Variants in PCCA observed in about 807,000 individuals in gnomAD.
The protein encoded by PCCA is propionyl-CoA carboxylase alpha chain, mitochondrial.
A neutral mutation model predicts 101.3 loss-of-function variants in PCCA; 74 were observed. The ratio of observed to expected loss-of-function variants is 0.73; its 90% CI spans 0.61 to 0.89. The LOEUF (loss-of-function observed/expected upper bound fraction) is 0.89, where lower values mean the gene tolerates loss of function less well. PCCA is among the 40% of genes least tolerant of loss of function. The probability of loss-of-function intolerance (pLI) is 0.00; values close to 1 mark genes in which losing one functional copy is unlikely to be tolerated. For missense variants in PCCA, 891 were observed against 907.0 expected (o/e 0.98, Z 0.23); for synonymous variants, 294 against 313.6 (o/e 0.94, Z 0.66).
At chr13:100,377,853 T>TA (rs1595668397) in intron 19 of PCCA, among the ~76,000 whole-genome samples, 6 of 152,148 alleles carry the variant, frequency 3.9e-5, no homozygotes, top group Admixed American at 3.9e-4. Flanking sequence ...TTATTATTGA[T>TA]ATATGAGGTT....
At chr13:100,460,452 C>G (rs911422198) in intron 21 of PCCA, among the ~76,000 whole-genome samples, 4 of 152,078 alleles carry the variant, frequency 2.6e-5, no homozygotes, top group African/African-American at 9.7e-5. Flanking sequence ...CTCCATTGAA[C>G]AGCTTCTTCA....
intron 12 of PCCA, among the ~76,000 whole-genome samples, 160 bp from the exon 13 acceptor site, chr13:100,301,300 T>G (rs2066038019): frequency 6.6e-6 from 1 of 152,254 alleles, no homozygotes; most frequent in Non-Finnish European, 1.5e-5. Flanking sequence ...GTTTATTCTT[T>G]CATTTTATTC....
chr13:100,310,632 C>G (rs1391111947), intron 16 of PCCA, among the ~76,000 whole-genome samples: 1 of 152,162 alleles, frequency 6.6e-6, no homozygotes, highest in Non-Finnish European at 1.5e-5. Context: ...GAAAGGAGTA[C>G]TCTTTTGTAT....
chr13:100,412,618 A>C (rs2078122922), intron 19 of PCCA, among the ~76,000 whole-genome samples: 1 of 152,164 alleles, frequency 6.6e-6, no homozygotes, highest in Non-Finnish European at 1.5e-5. Context: ...TGCCCTGTAT[A>C]CTCTGTACAA....
At chr13:100,396,962 C>T (rs1595739747) in intron 19 of PCCA, among the ~76,000 whole-genome samples, 4 of 152,200 alleles carry the variant, frequency 2.6e-5, no homozygotes, top group South Asian at 4.2e-4. Flanking sequence ...CTTTCTTCCA[C>T]GATAGGGCGC....
chr13:100,187,580 C>CA (rs1360719239), intron 6 of PCCA, among the ~76,000 whole-genome samples: 1 of 152,116 alleles, frequency 6.6e-6, no homozygotes, highest in East Asian at 1.9e-4. Flanking sequence ...GAGTTAGAGT[C>CA]AAACAGTGTT....
At chr13:100,117,633 G>T (rs1229757198) in intron 4 of PCCA, among the ~76,000 whole-genome samples, 2 of 151,970 alleles carry the variant, frequency 1.3e-5, no homozygotes, top group African/African-American at 4.8e-5. Context: ...TGGGGTTGGG[G>T]GATGGGGGAG....
chr13:100,244,535 C>G (rs977889461), intron 8 of PCCA, among the ~76,000 whole-genome samples: 1 of 151,246 alleles, frequency 6.6e-6, no homozygotes, highest in Admixed American at 6.6e-5. Flanking sequence ...TTTCCTTTTT[C>G]TATTACTCTG....
At chr13:100,264,196 C>CGTATATATACGGTATCTGTATATCGT (rs71114680) in intron 10 of PCCA, among the ~76,000 whole-genome samples, 1 of 51,072 alleles carries the variant, frequency 2.0e-5, no homozygotes, top group Admixed American at 2.1e-4. Context: ...ATCTGTATAT[C>CGTATATATACGGTATCTGTATATCGT]ATATATGTGA....
intron 7 of PCCA, among the ~76,000 whole-genome samples, chr13:100,232,120 CA>C (rs2060509503): frequency 6.6e-6 from 1 of 152,110 alleles, no homozygotes; most frequent in Non-Finnish European, 1.5e-5. Flanking sequence ...GACTGTGTAC[CA>C]AATCCCATAA....
chr13:100,202,245 G>C (rs1037493698), intron 6 of PCCA, among the ~76,000 whole-genome samples: 1 of 151,740 alleles, frequency 6.6e-6, no homozygotes, highest in South Asian at 2.1e-4. Context: ...AAGATGGGAG[G>C]ATCACTTGAG....
chr13:100,431,526 C>T (rs374771051), intron 20 of PCCA, among the ~76,000 whole-genome samples: 1 of 152,306 alleles, frequency 6.6e-6, no homozygotes, highest in South Asian at 2.1e-4. Context: ...TTCTTTTAAA[C>T]CTTTTTAAAT....
intron 12 of PCCA, among the ~76,000 whole-genome samples, chr13:100,294,579 A>T (rs1240021443): frequency 6.6e-6 from 1 of 152,194 alleles, no homozygotes; most frequent in Non-Finnish European, 1.5e-5. Flanking sequence ...TATTCTAAAC[A>T]TTCTGATTTC....
At chr13:100,392,627 A>AC (rs2076854506) in intron 19 of PCCA, among the ~76,000 whole-genome samples, 1 of 152,176 alleles carries the variant, frequency 6.6e-6, no homozygotes, top group African/African-American at 2.4e-5. Context: ...ATTTCCTGTG[A>AC]CCTGAAAACT....
chr13:100,405,903 A>C (rs2077647071), intron 19 of PCCA, among the ~76,000 whole-genome samples: 1 of 151,530 alleles, frequency 6.6e-6, no homozygotes, highest in African/African-American at 2.4e-5. Flanking sequence ...AGTAGCTGGA[A>C]TTAAAGGTGT....
intron 16 of PCCA, among the ~76,000 whole-genome samples, chr13:100,313,339 T>C (rs1014158101): frequency 2.6e-5 from 4 of 151,902 alleles, no homozygotes; most frequent in Non-Finnish European, 5.9e-5. Context: ...AGAGAAAGAG[T>C]TTAATAAACA....
intron 18 of PCCA, among the ~76,000 whole-genome samples, chr13:100,359,824 T>G (rs891615526): frequency 6.6e-6 from 1 of 152,212 alleles, no homozygotes; most frequent in Non-Finnish European, 1.5e-5. Flanking sequence ...TATATCCTGC[T>G]CATGGACTGG....
chr13:100,301,571 G>A lies in PCCA; in HGVS notation c.1177G>A (p.Gly393Ser), dbSNP rs1391762686. ...RHKQADIRIN[G>S]WAVECRVYAE... The stretch of plus-strand genomic sequence containing the variant: ...CAAACAAGCTGATATTCGCATCAAC[G>A]GCTGGGCAGTTGAATGTCGGGTTTA... Residue 393 changes from glycine to serine, a missense_variant, in exon 13 of 24, where the codon GGC becomes AGC. Physicochemically the swap from Gly to Ser is moderately conservative, Grantham distance 56 (BLOSUM62 0). Transcript: ENST00000376285. 2 of 1,614,038 alleles carry A rather than the reference G, an allele frequency of 1.2e-6. No individual in the cohort carries two copies. The highest frequency in any genetic ancestry group is 1.1e-5 in the South Asian group (1 of 91,078).
chr13:100,154,264 TGCTTA>T (rs2053647759), intron 4 of PCCA, among the ~76,000 whole-genome samples: 2 of 152,244 alleles, frequency 1.3e-5, no homozygotes, highest in African/African-American at 4.8e-5. Flanking sequence ...TCATATTGAA[TGCTTA>T]GCTTCTATTA....
Sources: gnomAD v4.1 joint callset for allele counts (sites outside exome capture counted in the v4.1 genomes callset) on GRCh38, gnomAD v4.1.1 for gene constraint, MANE v1.5 for transcripts, NCBI Gene and HGNC (gene_info 2026-07-23, HGNC 2026-07-21) for gene names.